MYO1H: variants seen among roughly 807,000 people sequenced by gnomAD.
MYO1H encodes the protein myosin IH.
Under a neutral mutation model 149.3 loss-of-function variants are expected in MYO1H, and 118 were observed. That is an observed-to-expected ratio of 0.79 (90% CI 0.68 to 0.92). MYO1H has a LOEUF of 0.92. MYO1H is among the 40% of genes least tolerant of loss of function. MYO1H has a pLI of 0.00. For missense variants in MYO1H, 1,212 were observed against 1,280.7 expected, an observed-to-expected ratio of 0.95 and a Z score of 0.82; for synonymous variants, 447 against 465.2, an observed-to-expected ratio of 0.96 and a Z score of 0.50.
At chr12:109,414,493 A>G (rs977440041) in intron 14 of MYO1H, among the ~76,000 whole-genome samples, 1 of 132,576 alleles carries the variant, frequency 7.5e-6, no homozygotes, top group African/African-American at 2.8e-5. Context: ...AAAAAAAAAA[A>G]GAAAGAAAAA....
intron 20 of MYO1H, among the ~76,000 whole-genome samples, chr12:109,434,079 G>A (rs1286028108): frequency 6.6e-6 from 1 of 151,834 alleles, no homozygotes; most frequent in Admixed American, 6.6e-5. Flanking sequence ...GCATGATCTC[G>A]GCTCACTGTA....
chr12:109,409,203 CCTT>C (rs749401546), intron 10 of MYO1H, among the ~76,000 whole-genome samples: 3 of 140,518 alleles, frequency 2.1e-5, no homozygotes, highest in Non-Finnish European at 4.7e-5. Flanking sequence ...ATCTCCTTCT[CCTT>C]CTTCTTCTCC....
intron 8 of MYO1H, 34 bp from the exon 9 acceptor site, chr12:109,406,755 A>G (rs1870413114): frequency 1.3e-6 from 2 of 1,598,988 alleles, no homozygotes; most frequent in Admixed American, 1.7e-5. Context: ...AAACTGCGTC[A>G]CTGAATAGCA....
At chr12:109,438,538 A>C in exon 23 of MYO1H, 1 of 1,612,816 alleles carries the variant, frequency 6.2e-7, no homozygotes, top group Non-Finnish European at 8.5e-7. Context: ...TCTTTCAGCC[A>C]TCAAACTGGA....
chr12:109,347,215 G>A (rs2048105822), upstream of MYO1H, among the ~76,000 whole-genome samples: 4 of 152,184 alleles, frequency 2.6e-5, no homozygotes, highest in South Asian at 8.3e-4. Context: ...GGCATACAAT[G>A]TGGTGGGTGA....
At chr12:109,344,272 A>G (rs1438874376), upstream of MYO1H, among the ~76,000 whole-genome samples, 2 of 152,204 alleles carry the variant, frequency 1.3e-5, no homozygotes, top group Non-Finnish European at 2.9e-5. Flanking sequence ...GAAAACTGTT[A>G]CAGCTAATAA....
Position 109,399,328 on chromosome 12 carries a change from G to A in MYO1H, c.570+1516G>A, listed in dbSNP as rs183173995. 6.8e-3 allele frequency among the ~76,000 whole-genome samples: 1,027 copies of A among 151,880 alleles called. 53 individuals are homozygous for A. Among genetic ancestry groups the A allele is most frequent in the Admixed American group, 0.058 (892 of 15,258 alleles). ...GCATCCAGGCCAGGCCTGGTGGCTC[G>A]CACCTGTAATCCCAGCACTTTGGGA... On this transcript the variant is annotated intron_variant, in intron 5 of 31. Coordinates refer to ENST00000310903, the Ensembl canonical transcript of MYO1H.
At chr12:109,422,917 A>AC (rs1871234433) in intron 16 of MYO1H, among the ~76,000 whole-genome samples, 1 of 151,730 alleles carries the variant, frequency 6.6e-6, no homozygotes, top group East Asian at 1.9e-4. Flanking sequence ...TTATCAAAAA[A>AC]AATTAAATTA....
At chr12:109,388,782 T>C (rs1388492107) in exon 2 of MYO1H, 1 of 1,613,284 alleles carries the variant, frequency 6.2e-7, no homozygotes, top group Non-Finnish European at 8.5e-7. Context: ...ATTGGACGCG[T>C]ACACCAGCGA....
the MYO1H span, among the ~76,000 whole-genome samples, chr12:109,341,880 TA>T: frequency 6.6e-6 from 1 of 152,142 alleles, no homozygotes; most frequent in African/African-American, 2.4e-5. Context: ...CTGGACTGGT[TA>T]CTGTAGAAAA....
rs1361833920 is a variant in MYO1H at position 109,354,988 on chromosome 12, AC to A, written c.12+7017del. 1.1e-3 allele frequency among the ~76,000 whole-genome samples: 170 copies of A among 152,270 alleles called. 3 individuals are homozygous for A. The highest frequency in any genetic ancestry group is 5.9e-5 in the Non-Finnish European group (4 of 68,014). Reference sequence around the variant, plus strand: ...AGTATTACAAATGAGAAATAGCCTGACTTGCATTTGGTATGGAGGAAAAGGG... The same window carrying A: ...AGTATTACAAATGAGAAATAGCCTGATTGCATTTGGTATGGAGGAAAAGGG... On this transcript the variant is annotated intron_variant, in intron 1 of 31. Coordinates refer to ENST00000310903, the Ensembl canonical transcript of MYO1H.
At chr12:109,347,287 G>A (rs1868354463), upstream of MYO1H, among the ~76,000 whole-genome samples, 1 of 152,186 alleles carries the variant, frequency 6.6e-6, no homozygotes, top group African/African-American at 2.4e-5. Flanking sequence ...AGACCAGGAA[G>A]GGGTGAACTC....
chr12:109,424,661 C>A (rs529428499), intron 16 of MYO1H, 87 bp from the exon 17 acceptor site: 2 of 974,152 alleles, frequency 2.1e-6, no homozygotes, highest in South Asian at 3.0e-5. Flanking sequence ...GGCTCTGTTG[C>A]TTCATGCACA....
intron 5 of MYO1H, 56 bp from the exon 6 acceptor site, chr12:109,401,037 C>T: frequency 2.6e-6 from 4 of 1,514,538 alleles, no homozygotes; most frequent in Admixed American, 1.8e-5. Context: ...CAGGAGATGC[C>T]AGGAAGAGAG....
chr12:109,446,809 C>T (rs1780775522), intron 31 of MYO1H, among the ~76,000 whole-genome samples: 1 of 152,200 alleles, frequency 6.6e-6, no homozygotes, highest in Non-Finnish European at 1.5e-5. Flanking sequence ...TGCCCCTAGA[C>T]ACAATGAACT....
At chr12:109,385,767 G>A (rs61696784) in intron 1 of MYO1H, among the ~76,000 whole-genome samples, 6,000 of 152,182 alleles carry the variant, frequency 0.039, 137 homozygotes, top group Middle Eastern at 0.054. Flanking sequence ...AAACAGAATA[G>A]TATCATAAAT....
At chr12:109,372,701 C>T (rs1045874659) in intron 1 of MYO1H, among the ~76,000 whole-genome samples, 2 of 151,750 alleles carry the variant, frequency 1.3e-5, no homozygotes, top group Non-Finnish European at 2.9e-5. Flanking sequence ...AGGCTGGTAC[C>T]TTCTCATTAA....
intron 17 of MYO1H, among the ~76,000 whole-genome samples, chr12:109,425,207 A>G (rs1208508475): frequency 2.0e-5 from 3 of 152,214 alleles, no homozygotes; most frequent in Admixed American, 2.0e-4. Flanking sequence ...AGTGGTGTGC[A>G]TCCATAGTCC....
chr12:109,329,183 C>T, the MYO1H span, among the ~76,000 whole-genome samples: 1 of 151,956 alleles, frequency 6.6e-6, no homozygotes, highest in East Asian at 1.9e-4. Context: ...TTTATATGGG[C>T]AAGTATGCCC....
Sources: allele counts gnomAD v4.1 joint callset (sites outside exome capture counted in the v4.1 genomes callset), GRCh38; gene constraint gnomAD v4.1.1; transcripts MANE v1.5; gene names NCBI Gene and HGNC (gene_info 2026-07-23, HGNC 2026-07-21).